The following SLC5A8 variants were observed in gnomAD, a reference collection of about 807,000 sequenced individuals.
SLC5A8 encodes sodium-coupled monocarboxylate transporter 1.
In SLC5A8, 55 loss-of-function variants were observed where a neutral mutation model predicts 71.9. That is an observed-to-expected ratio of 0.77 (90% CI 0.62 to 0.96). SLC5A8 has a LOEUF of 0.96. SLC5A8 is among the 40% of genes least tolerant of loss of function. The probability of loss-of-function intolerance (pLI) is 0.00; values close to 1 mark genes in which losing one functional copy is unlikely to be tolerated. For missense variants in SLC5A8, 701 were observed against 745.3 expected (o/e 0.94, Z 0.69); for synonymous variants, 307 against 276.1 (o/e 1.11, Z -1.11).
In SLC5A8 at chr12:101,184,207, C is replaced by G; in HGVS notation, c.979G>C (p.Val327Leu). Reference protein sequence around the residue: ...SAPDQLMPYLVLDILQDYPGL... With the variant: ...SAPDQLMPYLLLDILQDYPGL... ...GGATAATCTTGCAGAATGTCCAGTA[C>G]CAAATAAGGCATGAGCTGAAAAATT... The change falls in exon 8 of 15, where the codon GTA (valine) becomes CTA (leucine). Residue 327 changes from valine (V) to leucine (L), a missense_variant. By Grantham distance (32) the Val-to-Leu change is conservative. Coordinates refer to ENST00000536262, the MANE Select transcript of SLC5A8 (RefSeq NM_145913.5). 1.2e-6 allele frequency: 2 copies of G among 1,614,064 alleles called. No individual in the cohort carries two copies. Among genetic ancestry groups the G allele is most frequent in the Non-Finnish European group, 1.7e-6 (2 of 1,179,982 alleles).
chr12:101,188,103 G>A (rs959780293), intron 6 of SLC5A8, among the ~76,000 whole-genome samples: 1 of 152,178 alleles, frequency 6.6e-6, no homozygotes, highest in African/African-American at 2.4e-5. Context: ...AGCCAGTCCT[G>A]AGCATAAATC....
Position 101,209,761 on chromosome 12 carries a change from T to C in SLC5A8, c.88A>G (p.Ile30Val). The C allele has an allele frequency of 6.2e-7, 1 of 1,611,704 alleles. No homozygotes were observed. Among genetic ancestry groups the C allele is most frequent in the Non-Finnish European group, 8.5e-7 (1 of 1,179,084 alleles). ...CCGCCCCCAGCGAAGGCGTAGTAGA[T>C]GCCGATGGCGGCCGAGATGACCAGC... ...GMLVISAAIG[I>V]YYAFAGGGQQ... Residue 30 changes from isoleucine to valine, a missense_variant, in exon 1 of 15, where the codon ATC (isoleucine) becomes GTC (valine). Physicochemically the swap from Ile to Val is conservative, Grantham distance 29. Coordinates refer to ENST00000536262, the MANE Select transcript of SLC5A8 (RefSeq NM_145913.5).
intron 3 of SLC5A8, among the ~76,000 whole-genome samples, 155 bp downstream of exon 3, chr12:101,202,009 G>A (rs1198388811): frequency 5.9e-5 from 9 of 152,206 alleles, no homozygotes; most frequent in Non-Finnish European, 1.2e-4. Context: ...AAAGAAGCTA[G>A]TGTAGACACT....
intron 13 of SLC5A8, among the ~76,000 whole-genome samples, chr12:101,160,123 A>C (rs771656012): frequency 7.9e-5 from 12 of 152,216 alleles, no homozygotes; most frequent in Non-Finnish European, 1.0e-4. Context: ...CAGAGGTTAC[A>C]GTGAGCCAAG....
chr12:101,178,632 T>C (rs2051903350), intron 10 of SLC5A8, among the ~76,000 whole-genome samples: 3 of 152,116 alleles, frequency 2.0e-5, no homozygotes, highest in African/African-American at 7.2e-5. Flanking sequence ...TCAACCTAAG[T>C]CTCACATTTT....
intron 1 of SLC5A8, among the ~76,000 whole-genome samples, chr12:101,207,905 CA>C (rs1869738920): frequency 6.6e-6 from 1 of 151,620 alleles, no homozygotes; most frequent in Non-Finnish European, 1.5e-5. Flanking sequence ...ATTTCTCTAC[CA>C]AAAAAACAGT....
intron 9 of SLC5A8, among the ~76,000 whole-genome samples, chr12:101,182,314 T>A (rs926380542): frequency 3.3e-5 from 5 of 152,194 alleles, no homozygotes; most frequent in Admixed American, 1.3e-4. Context: ...TTTAATCTAA[T>A]CCTCTGTAAA....
intron 3 of SLC5A8, 98 bp from the exon 4 acceptor site, chr12:101,195,260 G>C (rs1419832172): frequency 7.6e-7 from 1 of 1,315,914 alleles, no homozygotes; most frequent in Admixed American, 2.0e-5. Context: ...CATTTATCAG[G>C]CACCTTCCTC....
At chr12:101,178,190 T>C (rs1189045431) in intron 10 of SLC5A8, among the ~76,000 whole-genome samples, 1 of 152,166 alleles carries the variant, frequency 6.6e-6, no homozygotes, top group Admixed American at 6.5e-5. Context: ...ACCATGTTCA[T>C]GTTTTAGAAA....
chr12:101,185,352 A>G (rs1244147077), intron 7 of SLC5A8, among the ~76,000 whole-genome samples: 2 of 152,194 alleles, frequency 1.3e-5, no homozygotes, highest in Non-Finnish European at 2.9e-5. Context: ...GTGTTATAAA[A>G]AGGTCCAAAA....
At position 101,161,996 on chromosome 12, in the gene SLC5A8, C is replaced by G. The variant is rs137882804; in HGVS notation, c.1608G>C (p.Gly536=). ...TVGTLVTLLV[G]ILVSLSTGGR... ...TACCTGTTGATAAACTGACAAGTAT[C>G]CCCACTAATAATGTTACCAAAGTTC... is the stretch of plus-strand genomic sequence containing the variant. The change falls in exon 13 of 15, where the codon GGG becomes GGC. Residue 536 remains glycine, a synonymous_variant. Transcript: ENST00000536262. 11 of 1,612,242 alleles carry G rather than the reference C, an allele frequency of 6.8e-6. No individual in the cohort carries two copies. The East Asian group carries it at 2.5e-4, about 36-fold the overall frequency.
At chr12:101,173,181 T>G (rs1329392087) in intron 10 of SLC5A8, among the ~76,000 whole-genome samples, 1 of 152,226 alleles carries the variant, frequency 6.6e-6, no homozygotes, top group Non-Finnish European at 1.5e-5. Flanking sequence ...TCTTTAAAGA[T>G]AGCCGCTGGC....
intron 4 of SLC5A8, among the ~76,000 whole-genome samples, chr12:101,194,331 G>C (rs878901343): frequency 1.3e-5 from 2 of 152,144 alleles, no homozygotes; most frequent in Admixed American, 1.3e-4. Context: ...CACCTAAAGG[G>C]TTAAGACATA....
intron 13 of SLC5A8, among the ~76,000 whole-genome samples, chr12:101,160,809 A>G (rs4764783): frequency 0.21 from 32,354 of 152,150 alleles, 4,117 homozygotes; most frequent in African/African-American, 0.35. Flanking sequence ...GAAAAATAAG[A>G]GAGAAAAAAA....
At position 101,160,756 on chromosome 12, in the gene SLC5A8, G is replaced by C. The variant is rs142666777; in HGVS notation, c.1630+1218C>G. ...CCTTTGAGAATTATTGGAAAAGTAA[G>C]TGAAAAAATATCTCACATAGTAGAC... On this transcript the variant is annotated intron_variant, in intron 13 of 14. Transcript: ENST00000536262. Among the ~76,000 whole-genome samples the C allele has an allele frequency of 6.5e-3, 991 of 152,116 alleles. 11 individuals are homozygous for C. The highest frequency in any genetic ancestry group is 0.023 in the African/African-American group (942 of 41,500).
At chr12:101,206,286 G>A (rs1342165890) in intron 1 of SLC5A8, among the ~76,000 whole-genome samples, 1 of 152,176 alleles carries the variant, frequency 6.6e-6, no homozygotes, top group African/African-American at 2.4e-5. Context: ...TTAAGTCTGG[G>A]AACAAGGCAG....
chr12:101,197,070 C>T (rs1026669518), intron 3 of SLC5A8, among the ~76,000 whole-genome samples: 2 of 152,188 alleles, frequency 1.3e-5, no homozygotes, highest in African/African-American at 4.8e-5. Context: ...AACAGCAAAC[C>T]TTTAAATCCA....
intron 9 of SLC5A8, among the ~76,000 whole-genome samples, chr12:101,181,317 T>G (rs2051930868): frequency 6.6e-6 from 1 of 152,258 alleles, no homozygotes; most frequent in Non-Finnish European, 1.5e-5. Context: ...TGATAGGTTA[T>G]GAATAGTCAC....
chr12:101,207,217 T>C (rs1869713739), intron 1 of SLC5A8, among the ~76,000 whole-genome samples: 1 of 152,198 alleles, frequency 6.6e-6, no homozygotes, highest in South Asian at 2.1e-4. Flanking sequence ...TCCCTTGTTC[T>C]CTCTGCACTG....
Sources: gnomAD v4.1 joint callset for allele counts (sites outside exome capture counted in the v4.1 genomes callset) on GRCh38, gnomAD v4.1.1 for gene constraint, MANE v1.5 for transcripts, NCBI Gene and HGNC (gene_info 2026-07-23, HGNC 2026-07-21) for gene names.